Variants in TLCD3B observed in about 807,000 individuals in gnomAD.
The protein encoded by TLCD3B is ceramide synthase.
Under a neutral mutation model 23.0 loss-of-function variants are expected in TLCD3B, and 9 were observed. The observed-to-expected ratio is 0.39, with a 90% confidence interval of 0.24 to 0.68. The LOEUF (loss-of-function observed/expected upper bound fraction) is 0.68, where lower values mean the gene tolerates loss of function less well. Ranked by LOEUF, TLCD3B falls within the 30% of genes least tolerant of loss-of-function variation. The pLI is 0.44. For synonymous variants in TLCD3B, 161 were observed against 161.0 expected (o/e 1.00, Z 0.00); for missense variants, 307 against 371.8 (o/e 0.83, Z 1.43).
At chr16:30,031,962 C>G (rs1429316510), upstream of TLCD3B, among the ~76,000 whole-genome samples, 1 of 152,108 alleles carries the variant, frequency 6.6e-6, no homozygotes, top group Non-Finnish European at 1.5e-5. Flanking sequence ...TCCCAGGGAG[C>G]CCTAGGATGC....
intron 3 of TLCD3B, among the ~76,000 whole-genome samples, chr16:30,039,080 ATCC>A (rs2071529120): frequency 8.3e-6 from 1 of 121,198 alleles, no homozygotes; most frequent in East Asian, 2.5e-4. Flanking sequence ...TTCAGAACTT[ATCC>A]TTCTCCTCCT....
upstream of TLCD3B, among the ~76,000 whole-genome samples, chr16:30,034,445 T>C (rs909991902): frequency 2.1e-5 from 3 of 144,992 alleles, no homozygotes; most frequent in Non-Finnish European, 3.0e-5. Context: ...CCAGGCTTGG[T>C]GGTGCATTGC....
chr16:30,041,108 C>T (rs904345669), exon 3 of TLCD3B: 2 of 152,142 alleles, frequency 1.3e-5, no homozygotes, highest in African/African-American at 2.4e-5. Flanking sequence ...CTTTCCTTGT[C>T]GATTTCTTCT....
upstream of TLCD3B, among the ~76,000 whole-genome samples, chr16:30,035,766 C>CTT (rs34249003): frequency 1.3e-3 from 181 of 137,210 alleles, 1 homozygote; most frequent in African/African-American, 4.6e-3. Flanking sequence ...TTTCTTTTTT[C>CTT]TTTTTTTTTT....
At chr16:30,051,443 A>C (rs1312911371) in intron 1 of TLCD3B, among the ~76,000 whole-genome samples, 1 of 151,334 alleles carries the variant, frequency 6.6e-6, no homozygotes, top group Non-Finnish European at 1.5e-5. Flanking sequence ...GAATTGCTTG[A>C]ATCCAGGGCG....
At chr16:30,037,181 G>A (rs978547147) in intron 3 of TLCD3B, among the ~76,000 whole-genome samples, 13 of 151,856 alleles carry the variant, frequency 8.6e-5, no homozygotes, top group African/African-American at 1.9e-4. Flanking sequence ...CGAGGTGGGA[G>A]GATCACTTGA....
At chr16:30,036,877 G>C (rs1257638561) in intron 3 of TLCD3B, among the ~76,000 whole-genome samples, 1 of 151,994 alleles carries the variant, frequency 6.6e-6, no homozygotes, top group African/African-American at 2.4e-5. Flanking sequence ...CTGCGGTCAG[G>C]AGTTCGAGAC....
At chr16:30,026,166 C>G (rs996248434) in intron 3 of TLCD3B, among the ~76,000 whole-genome samples, 1 of 149,158 alleles carries the variant, frequency 6.7e-6, no homozygotes, top group East Asian at 2.0e-4. Context: ...ACTCAGGAGG[C>G]GGAGGTTTCA....
At chr16:30,035,607 T>G (rs1739282609), upstream of TLCD3B, 3 of 899,276 alleles carry the variant, frequency 3.3e-6, no homozygotes, top group Middle Eastern at 4.4e-4. Context: ...CTGTGGCCAT[T>G]GAAAGCCACC....
intron 3 of TLCD3B, chr16:30,036,415 GGGAGCAGAGGTGT>G: frequency 7.8e-7 from 1 of 1,276,850 alleles, no homozygotes; most frequent in African/African-American, 1.5e-5. Context: ...ATCTACTCTG[GGGAGCAGAGGTGT>G]GGAGCAGGCA....
chr16:30,038,453 T>TA (rs1218819654), intron 3 of TLCD3B, among the ~76,000 whole-genome samples: 1 of 151,948 alleles, frequency 6.6e-6, no homozygotes, highest in African/African-American at 2.4e-5. Context: ...ACTCCGTCTC[T>TA]AAAAAAATCA....
At chr16:30,052,740 T>C (rs530899627) in intron 1 of TLCD3B, 2 of 148,322 alleles carry the variant, frequency 1.3e-5, no homozygotes, top group Non-Finnish European at 3.0e-5. Flanking sequence ...TAAATAAATA[T>C]AAATAAAATA....
chr16:30,030,646 G>A lies in TLCD3B; in HGVS notation c.-119C>T. ...CCGGGAAGGAGGGAGAAAACGATGA[G>A]AAGGGGCACAAAGGGGCCAGGGCGG... On this transcript the variant is annotated 5_prime_UTR_variant, in exon 1 of 5. Transcript: ENST00000380495. The A allele has an allele frequency of 7.9e-7, 1 of 1,261,474 alleles. No individual in the cohort carries two copies. The highest frequency in any genetic ancestry group is 1.7e-5 in the South Asian group (1 of 57,668). 78.1% of individuals were successfully genotyped at this position (1,261,474 alleles called of 1,614,324 possible).
intron 3 of TLCD3B, among the ~76,000 whole-genome samples, chr16:30,037,834 A>G (rs1477049247): frequency 6.6e-6 from 1 of 152,214 alleles, no homozygotes; most frequent in African/African-American, 2.4e-5. Context: ...TGGACTTCAA[A>G]TTCAGAGTCC....
chr16:30,042,295 G>C (rs2071591083), intron 2 of TLCD3B, among the ~76,000 whole-genome samples: 1 of 151,846 alleles, frequency 6.6e-6, no homozygotes, highest in Non-Finnish European at 1.5e-5. Context: ...CTGGAGTGCA[G>C]TGGCACGATC....
In TLCD3B at chr16:30,026,675, C is replaced by T. The variant is rs2071153279; in HGVS notation, c.378G>A (p.Leu126=). The change falls in exon 3 of 5, where the codon CTG becomes CTA. Residue 126 remains leucine, a synonymous_variant. Coordinates refer to ENST00000380495, the MANE Select transcript of TLCD3B (RefSeq NM_031478.6). ...GGAGCACCATGAGGAACTCCTTGTG[C>T]AGGTAGCCACGCGCTATGGCCCACG... ...GSTWAIARGY[L]HKEFLMVLHH... 1 of 1,613,802 alleles carries T rather than the reference C, an allele frequency of 6.2e-7. No homozygotes were observed. Among genetic ancestry groups the T allele is most frequent in the Admixed American group, 1.7e-5 (1 of 59,998 alleles).
At chr16:30,049,431 G>A (rs1455433858) in intron 1 of TLCD3B, among the ~76,000 whole-genome samples, 1 of 152,140 alleles carries the variant, frequency 6.6e-6, no homozygotes, top group Non-Finnish European at 1.5e-5. Context: ...TGGGAACTCT[G>A]CATCTCTGAT....
Position 30,025,078 on chromosome 16 carries a change from G to A in TLCD3B, c.*105C>T. 2 of 753,870 alleles carry A rather than the reference G, an allele frequency of 2.7e-6. No individual in the cohort carries two copies. The highest frequency in any genetic ancestry group is 4.1e-6 in the Non-Finnish European group (2 of 486,240). The allele number at this position is 753,870 out of a possible 1,614,324, so 46.7% of individuals were successfully genotyped here. A position where few individuals can be genotyped will look rare whatever the true frequency, so the allele number is the denominator to read the frequency against. On this transcript the variant is annotated 3_prime_UTR_variant, in exon 5 of 5. Transcript: ENST00000380495. The surrounding 1 kb of genome is among the most constrained non-coding windows in gnomAD (Gnocchi z 4.1). ...TTTCGGGGTCATCGTCAGTCCTGGG[G>A]TTGTCCGGGCAAGAGGACCCTGGCT...
At chr16:30,038,250 T>TA (rs1447680175) in intron 3 of TLCD3B, among the ~76,000 whole-genome samples, 1 of 152,008 alleles carries the variant, frequency 6.6e-6, no homozygotes. Flanking sequence ...AAATGCTGCT[T>TA]AGACTACAGG....
Sources: gnomAD v4.1 joint callset for allele counts (sites outside exome capture counted in the v4.1 genomes callset) on GRCh38, gnomAD v4.1.1 for gene constraint, Gnocchi (gnomAD v3.1) non-coding constraint, MANE v1.5 for transcripts, NCBI Gene and HGNC (gene_info 2026-07-23, HGNC 2026-07-21) for gene names.